Variants in PHF20 observed in about 807,000 individuals in gnomAD.
PHF20 encodes glioma-expressed antigen 2.
PHF20 carries 23 observed loss-of-function variants against 113.5 expected under a neutral mutation model. The observed-to-expected ratio is 0.20, with a 90% CI of 0.15 to 0.29. The LOEUF (loss-of-function observed/expected upper bound fraction) is 0.29. Among genes scored for constraint, PHF20 ranks in the 10% least tolerant of loss-of-function variants. PHF20 has a pLI of 1.00. For missense variants in PHF20, 943 were observed against 1,219.6 expected (o/e 0.77, Z 3.38); for synonymous variants, 434 against 457.3 (o/e 0.95, Z 0.65).
At chr20:35,875,947 G>A (rs1377447536) in intron 9 of PHF20, among the ~76,000 whole-genome samples, 1 of 152,168 alleles carries the variant, frequency 6.6e-6, no homozygotes, top group Non-Finnish European at 1.5e-5. Context: ...TCTTGTGTTA[G>A]CTAACCTAAT....
rs149439585 is a variant in PHF20 at position 35,924,579 on chromosome 20, C to T, written c.2005-3201C>T. Among the ~76,000 whole-genome samples the T allele has an allele frequency of 5.3e-3, 811 of 151,972 alleles. 9 individuals carry two copies. The highest frequency in any genetic ancestry group is 0.019 in the African/African-American group (778 of 41,468). The stretch of plus-strand genomic sequence containing the variant: ...TATTTTCTGCATAATGGTTGGATCA[C>T]ATTTTATTTTACTTTATTTTATTTT... On this transcript the variant is annotated intron_variant, in intron 13 of 17. Transcript: ENST00000374012.
intron 4 of PHF20, chr20:35,850,975 GGA>G (rs2042719833): frequency 2.3e-6 from 1 of 440,742 alleles, no homozygotes; most frequent in Non-Finnish European, 4.3e-6. Context: ...TGCATTTGTA[GGA>G]GAGACAGAGT....
At chr20:35,939,361 C>G (rs1392633953) in intron 16 of PHF20, among the ~76,000 whole-genome samples, 1 of 151,832 alleles carries the variant, frequency 6.6e-6, no homozygotes, top group Non-Finnish European at 1.5e-5. Context: ...GGCGCGGGTG[C>G]AGAGGGAGGG....
chr20:35,916,774 T>C (rs1374623145), intron 12 of PHF20, among the ~76,000 whole-genome samples: 2 of 148,518 alleles, frequency 1.3e-5, no homozygotes, highest in African/African-American at 2.5e-5. Context: ...AGCCTGTTTG[T>C]CTTTTGAGAC....
chr20:35,936,613 A>G (rs1213729403), intron 15 of PHF20, among the ~76,000 whole-genome samples: 1 of 152,214 alleles, frequency 6.6e-6, no homozygotes, highest in Non-Finnish European at 1.5e-5. Context: ...GAATGGTGCG[A>G]ATAAATTTTC....
intron 1 of PHF20, among the ~76,000 whole-genome samples, chr20:35,786,237 A>G (rs906432048): frequency 2.7e-5 from 4 of 150,716 alleles, no homozygotes; most frequent in Non-Finnish European, 4.4e-5. Flanking sequence ...AAATACAAAA[A>G]AAAATTAGTT....
chr20:35,824,813 A>C (rs190589971), intron 2 of PHF20, among the ~76,000 whole-genome samples: 1 of 152,068 alleles, frequency 6.6e-6, no homozygotes, highest in Non-Finnish European at 1.5e-5. Context: ...CTTTCCCTCT[A>C]TATATATGCC....
intron 2 of PHF20, among the ~76,000 whole-genome samples, chr20:35,808,764 G>A (rs1379283789): frequency 6.6e-6 from 1 of 151,376 alleles, no homozygotes; most frequent in Non-Finnish European, 1.5e-5. Context: ...AGTAGAGACG[G>A]GGCTTCACCA....
At chr20:35,839,028 A>G (rs2042494004) in intron 2 of PHF20, among the ~76,000 whole-genome samples, 1 of 151,714 alleles carries the variant, frequency 6.6e-6, no homozygotes, top group Non-Finnish European at 1.5e-5. Context: ...CCGTGTAAAG[A>G]AAATTTCCTG....
intron 13 of PHF20, among the ~76,000 whole-genome samples, chr20:35,922,258 T>C (rs1002100418): frequency 2.6e-5 from 4 of 152,224 alleles, no homozygotes; most frequent in Admixed American, 2.6e-4. Context: ...GGTTTCTGAC[T>C]GTCCTGTCAC....
At chr20:35,893,404 A>T (rs569646632) in intron 9 of PHF20, among the ~76,000 whole-genome samples, 1 of 152,220 alleles carries the variant, frequency 6.6e-6, no homozygotes, top group South Asian at 2.1e-4. Flanking sequence ...CCTGGGTTCA[A>T]GCAATTCACC....
chr20:35,821,375 C>T (rs578230286), intron 2 of PHF20, among the ~76,000 whole-genome samples: 245 of 149,682 alleles, frequency 1.6e-3, no homozygotes, highest in African/African-American at 5.9e-3. Context: ...GTGGAGGATG[C>T]AGTGAGCTGA....
At chr20:35,841,160 C>T (rs559153163) in intron 2 of PHF20, among the ~76,000 whole-genome samples, 15 of 151,862 alleles carry the variant, frequency 9.9e-5, no homozygotes, top group East Asian at 1.9e-4. Flanking sequence ...GCCTGGGCAA[C>T]GTAACAGAAC....
intron 2 of PHF20, among the ~76,000 whole-genome samples, chr20:35,815,371 A>G (rs540595645): frequency 2.8e-4 from 42 of 152,210 alleles, no homozygotes; most frequent in African/African-American, 9.6e-4. Context: ...TGAGGTCAGG[A>G]GTTGGAGACC....
chr20:35,837,806 AG>A (rs2042468703), intron 2 of PHF20, among the ~76,000 whole-genome samples: 1 of 152,222 alleles, frequency 6.6e-6, no homozygotes. Context: ...GCTGTCGCCA[AG>A]GCAGGCAGAG....
At chr20:35,824,293 A>G (rs1016814569) in intron 2 of PHF20, among the ~76,000 whole-genome samples, 1 of 151,714 alleles carries the variant, frequency 6.6e-6, no homozygotes, top group Admixed American at 6.6e-5. Context: ...AAAAATTGAG[A>G]TATAGTTTAC....
At chr20:35,782,270 TTTC>T (rs2041315769) in intron 1 of PHF20, 1 of 150,562 alleles carries the variant, frequency 6.6e-6, no homozygotes, top group Admixed American at 6.6e-5. Context: ...TTGTTTTTTT[TTTC>T]TTTTTTTCTT....
At chr20:35,861,254 A>G (rs1397549238) in intron 5 of PHF20, among the ~76,000 whole-genome samples, 1 of 152,098 alleles carries the variant, frequency 6.6e-6, no homozygotes, top group East Asian at 1.9e-4. Context: ...TTTACTGTAG[A>G]AAAATATATA....
intron 16 of PHF20, 43 bp from the exon 17 acceptor site, chr20:35,940,821 G>A: frequency 2.6e-6 from 4 of 1,536,164 alleles, no homozygotes; most frequent in South Asian, 1.2e-5. Flanking sequence ...AATGGGCCAG[G>A]GGCTATCTCC....
Sources: allele counts gnomAD v4.1 joint callset (sites outside exome capture counted in the v4.1 genomes callset), GRCh38; gene constraint gnomAD v4.1.1; transcripts MANE v1.5; gene names NCBI Gene and HGNC (gene_info 2026-07-23, HGNC 2026-07-21).